TOMM20L: variants seen among roughly 807,000 people sequenced by gnomAD.
TOMM20L encodes TOMM20-like protein 1.
In TOMM20L, 19 loss-of-function variants were observed where a neutral mutation model predicts 20.4. That is an observed-to-expected ratio of 0.93 (90% CI 0.65 to 1.36). The LOEUF (loss-of-function observed/expected upper bound fraction) is 1.36. Among genes scored for constraint, TOMM20L ranks in the 40% most tolerant of loss-of-function variants. TOMM20L has a pLI of 0.00. For missense variants in TOMM20L, 218 were observed against 203.7 expected, an observed-to-expected ratio of 1.07 and a Z score of -0.43; for synonymous variants, 75 against 79.6, an observed-to-expected ratio of 0.94 and a Z score of 0.30.
downstream of TOMM20L, among the ~76,000 whole-genome samples, chr14:58,411,454 A>G (rs1245382620): frequency 6.6e-6 from 1 of 151,978 alleles, no homozygotes; most frequent in Non-Finnish European, 1.5e-5. Context: ...TCCAAAAAAA[A>G]AAAGAACAAG....
At chr14:58,408,824 T>C (rs1473206755), downstream of TOMM20L, 3 of 739,010 alleles carry the variant, frequency 4.1e-6, no homozygotes, top group Non-Finnish European at 6.3e-6. Flanking sequence ...TTGCATCTTA[T>C]TATTTCACTG....
chr14:58,416,474 A>G, the TOMM20L span, among the ~76,000 whole-genome samples: 1 of 152,182 alleles, frequency 6.6e-6, no homozygotes, highest in South Asian at 2.1e-4. Context: ...GGAGAAATCA[A>G]GACATTCTCA....
chr14:58,396,686 G>A (rs2035929453), intron 2 of TOMM20L, among the ~76,000 whole-genome samples: 1 of 152,372 alleles, frequency 6.6e-6, no homozygotes, highest in Non-Finnish European at 1.5e-5. Context: ...CGGTCACATG[G>A]CAGTAACTTC....
intron 3 of TOMM20L, among the ~76,000 whole-genome samples, chr14:58,405,029 C>T (rs1462673214): frequency 6.7e-6 from 1 of 149,642 alleles, no homozygotes. Flanking sequence ...AGTGCAATGG[C>T]GCCATCTCAG....
intron 3 of TOMM20L, among the ~76,000 whole-genome samples, 184 bp from the exon 4 acceptor site, chr14:58,407,142 C>T (rs75307459): frequency 1.2e-3 from 182 of 152,270 alleles, no homozygotes; most frequent in African/African-American, 4.0e-3. Flanking sequence ...TTAATATTGC[C>T]GCTTCACCAC....
In TOMM20L at chr14:58,403,952, T is replaced by C. The variant is rs2140303354; in HGVS notation, c.262+1191T>C. ...GATGGTAGATAATATTATTATTGTA[T>C]AAATATTATAATCATAATGTCCTTA... On this transcript the variant is annotated intron_variant, in intron 3 of 4. Coordinates refer to ENST00000360945, the MANE Select transcript of TOMM20L (RefSeq NM_207377.3). Among the ~76,000 whole-genome samples, 3 of 148,752 alleles carry C rather than the reference T, an allele frequency of 2.0e-5. No individual in the cohort carries two copies. In the South Asian group the frequency reaches 6.4e-4, roughly 32 times the overall value.
At chr14:58,410,539 T>C (rs925850981), downstream of TOMM20L, among the ~76,000 whole-genome samples, 2 of 152,222 alleles carry the variant, frequency 1.3e-5, no homozygotes, top group African/African-American at 2.4e-5. Flanking sequence ...GTGCCAAGTT[T>C]CTCTAGGTAG....
chr14:58,399,885 C>CATATATATATAT (rs869260438), intron 2 of TOMM20L, among the ~76,000 whole-genome samples: 48 of 37,308 alleles, frequency 1.3e-3, no homozygotes, highest in Non-Finnish European at 1.8e-3. Flanking sequence ...TGCTCTATTG[C>CATATATATATAT]ATATATATAT....
At chr14:58,405,260 G>A (rs1261425365) in intron 3 of TOMM20L, among the ~76,000 whole-genome samples, 2 of 151,902 alleles carry the variant, frequency 1.3e-5, no homozygotes, top group African/African-American at 2.4e-5. Flanking sequence ...GAGCCACCGC[G>A]CCCAGCCACC....
chr14:58,416,002 G>T, the TOMM20L span, among the ~76,000 whole-genome samples: 1 of 151,640 alleles, frequency 6.6e-6, no homozygotes. Flanking sequence ...GGTCGATTGA[G>T]GTCAGGAGTT....
At chr14:58,408,434 A>T in intron 4 of TOMM20L, 95 bp from the exon 5 acceptor site, 7 of 1,090,936 alleles carry the variant, frequency 6.4e-6, no homozygotes, top group Non-Finnish European at 9.4e-6. Flanking sequence ...AAAAAAAAAG[A>T]AAAGTATATG....
chr14:58,406,305 T>C (rs542028236), intron 3 of TOMM20L, among the ~76,000 whole-genome samples: 90 of 152,320 alleles, frequency 5.9e-4, no homozygotes, highest in Non-Finnish European at 9.7e-4. Flanking sequence ...ATGTTGAAAA[T>C]GTAAAATTAA....
chr14:58,400,758 A>G (rs2035984246), intron 2 of TOMM20L, among the ~76,000 whole-genome samples: 1 of 151,782 alleles, frequency 6.6e-6, no homozygotes, highest in African/African-American at 2.4e-5. Context: ...TGCACCTGTA[A>G]TCCCAGCTAC....
intron 3 of TOMM20L, among the ~76,000 whole-genome samples, chr14:58,405,114 G>A (rs535312453): frequency 1.7e-4 from 26 of 151,958 alleles, no homozygotes; most frequent in South Asian, 1.2e-3. Flanking sequence ...GATTACAGGC[G>A]TGCACCACCA....
chr14:58,407,260 G>A (rs1336187698), intron 3 of TOMM20L, 66 bp from the exon 4 acceptor site: 2 of 1,463,498 alleles, frequency 1.4e-6, no homozygotes, highest in Non-Finnish European at 1.8e-6. Flanking sequence ...TTGCTTTCTT[G>A]GATTTGTAGA....
intron 3 of TOMM20L, among the ~76,000 whole-genome samples, chr14:58,405,614 C>T (rs1046131793): frequency 7.2e-5 from 11 of 152,186 alleles, no homozygotes; most frequent in East Asian, 5.8e-4. Context: ...AAGCAATTCT[C>T]GTGTCTCAGC....
chr14:58,412,752 T>C (rs1048332919), downstream of TOMM20L, among the ~76,000 whole-genome samples: 1 of 152,006 alleles, frequency 6.6e-6, no homozygotes, highest in Non-Finnish European at 1.5e-5. Flanking sequence ...AATACAAAAA[T>C]TGGCCAGACG....
Position 58,396,480 on chromosome 14 carries a change from C to G in TOMM20L, c.180+139C>G, listed in dbSNP as rs1359536581. 3.7e-6 allele frequency: 3 copies of G among 818,974 alleles called. No individual in the cohort carries two copies. In the African/African-American group the frequency reaches 5.1e-5, roughly 14 times the overall value. 50.7% of individuals were successfully genotyped at this position (818,974 alleles called of 1,614,324 possible). A position where few individuals can be genotyped will look rare whatever the true frequency, so the allele number is the denominator to read the frequency against. On this transcript the variant is annotated intron_variant, in intron 2 of 4. Transcript: ENST00000360945. The stretch of plus-strand genomic sequence containing the variant: ...GCCCGGGAAGAGGCCTGCCCTCGCG[C>G]GCCACGCACCGCCTCAGGCCCAGTC...
At chr14:58,397,511 G>T (rs1399938947) in intron 2 of TOMM20L, among the ~76,000 whole-genome samples, 2 of 152,236 alleles carry the variant, frequency 1.3e-5, no homozygotes, top group African/African-American at 2.4e-5. Context: ...TTCCGGAGAA[G>T]ACTTTGTAGC....
Sources: allele counts gnomAD v4.1 joint callset (sites outside exome capture counted in the v4.1 genomes callset), GRCh38; gene constraint gnomAD v4.1.1; transcripts MANE v1.5; gene names NCBI Gene and HGNC (gene_info 2026-07-23, HGNC 2026-07-21).